The following ZNF385D variants were observed in gnomAD, a reference collection of about 807,000 sequenced individuals.
ZNF385D encodes the protein zinc finger protein 659.
A neutral mutation model predicts 35.8 loss-of-function variants in ZNF385D; 15 were observed. The ratio of observed to expected loss-of-function variants is 0.42; its 90% CI spans 0.28 to 0.64. The LOEUF (loss-of-function observed/expected upper bound fraction) is 0.64. Among genes scored for constraint, ZNF385D ranks in the 30% least tolerant of loss-of-function variants. ZNF385D has a pLI of 0.23. For synonymous variants in ZNF385D, 212 were observed against 186.8 expected (o/e 1.13, Z -1.10); for missense variants, 474 against 494.6 (o/e 0.96, Z 0.39).
chr3:21,862,856 T>A (rs535026051), intron 3 of ZNF385D, among the ~76,000 whole-genome samples: 107 of 152,304 alleles, frequency 7.0e-4, no homozygotes, highest in African/African-American at 2.4e-3. Flanking sequence ...CAAACTGAAC[T>A]GTTAGCTCAG....
At chr3:22,324,940 T>C (rs1267227938) in intron 2 of ZNF385D, among the ~76,000 whole-genome samples, 1 of 152,216 alleles carries the variant, frequency 6.6e-6, no homozygotes, top group Non-Finnish European at 1.5e-5. Flanking sequence ...ACCATCTGTA[T>C]GACCTTGAGC....
chr3:21,933,128 GA>G (rs1362826533), intron 3 of ZNF385D, among the ~76,000 whole-genome samples: 3 of 152,128 alleles, frequency 2.0e-5, no homozygotes, highest in Non-Finnish European at 4.4e-5. Flanking sequence ...ACTTACAATA[GA>G]AAAACTCGTC....
intron 7 of ZNF385D, among the ~76,000 whole-genome samples, chr3:21,423,544 C>T (rs1170984000): frequency 6.6e-6 from 1 of 152,146 alleles, no homozygotes; most frequent in Non-Finnish European, 1.5e-5. Context: ...TAATAGTATA[C>T]TTAGCAATAT....
intron 3 of ZNF385D, among the ~76,000 whole-genome samples, chr3:22,059,041 AT>A (rs1368965664): frequency 3.9e-5 from 6 of 152,170 alleles, no homozygotes; most frequent in African/African-American, 1.4e-4. Context: ...GGAAAAGGAC[AT>A]TGGTAGGACA....
intron 3 of ZNF385D, among the ~76,000 whole-genome samples, chr3:22,087,690 T>C (rs1181049671): frequency 2.6e-5 from 4 of 152,194 alleles, no homozygotes; most frequent in Non-Finnish European, 4.4e-5. Context: ...ACTTCAACTT[T>C]GTTAATTATT....
chr3:21,739,735 T>C (rs910384369), intron 1 of ZNF385D, among the ~76,000 whole-genome samples: 2 of 152,198 alleles, frequency 1.3e-5, no homozygotes, highest in Admixed American at 6.5e-5. Context: ...AGATGATCCA[T>C]GGTCACCTGC....
chr3:21,800,899 G>A (rs1286218122), intron 3 of ZNF385D, among the ~76,000 whole-genome samples: 1 of 151,994 alleles, frequency 6.6e-6, no homozygotes, highest in Non-Finnish European at 1.5e-5. Flanking sequence ...AGAACTTCCA[G>A]TAGCAGCAAC....
intron 2 of ZNF385D, among the ~76,000 whole-genome samples, chr3:21,633,101 A>AT (rs1301654667): frequency 1.3e-5 from 2 of 152,046 alleles, no homozygotes; most frequent in East Asian, 1.9e-4. Context: ...AAAAATTATC[A>AT]TTTTTTTAGC....
intron 1 of ZNF385D, among the ~76,000 whole-genome samples, chr3:21,672,768 T>G (rs1475879895): frequency 6.6e-6 from 1 of 152,154 alleles, no homozygotes; most frequent in Admixed American, 6.5e-5. Context: ...TCACTGTCAT[T>G]AAATGCCACG....
At chr3:21,670,336 T>C (rs1387093437) in intron 1 of ZNF385D, among the ~76,000 whole-genome samples, 3 of 151,918 alleles carry the variant, frequency 2.0e-5, no homozygotes, top group Non-Finnish European at 2.9e-5. Flanking sequence ...AATAATAAGC[T>C]ATGATTACAT....
intron 2 of ZNF385D, among the ~76,000 whole-genome samples, chr3:21,609,254 G>A (rs796922948): frequency 2.0e-5 from 3 of 152,224 alleles, no homozygotes; most frequent in Admixed American, 6.5e-5. Context: ...CACAGCTCTC[G>A]CCAACTGAGC....
rs371749355 is a variant in ZNF385D at position 21,715,413 on chromosome 3, G to A, written c.22+35482C>T. Among the ~76,000 whole-genome samples the A allele has an allele frequency of 1.6e-4, 25 of 152,126 alleles. 1 individual carries two copies. In the South Asian group the frequency reaches 5.2e-3, roughly 32 times the overall value. On this transcript the variant is annotated intron_variant, in intron 1 of 7. Transcript: ENST00000281523. ...GACCTCCAGTTCCATCCAAGTTGCT[G>A]CAAAAGCCATAATTCCATTCCTTTT...
intron 3 of ZNF385D, among the ~76,000 whole-genome samples, chr3:22,014,500 A>G (rs917713821): frequency 1.3e-5 from 2 of 152,130 alleles, no homozygotes; most frequent in Non-Finnish European, 2.9e-5. Context: ...CAAACTACCA[A>G]TGCAACAGTA....
chr3:21,915,712 C>T (rs955461920), intron 3 of ZNF385D, among the ~76,000 whole-genome samples: 2 of 152,034 alleles, frequency 1.3e-5, no homozygotes, highest in Non-Finnish European at 2.9e-5. Flanking sequence ...TTGCACATAG[C>T]ATTAGGAAGG....
At chr3:22,081,982 G>C (rs1362929749) in intron 3 of ZNF385D, among the ~76,000 whole-genome samples, 2 of 125,624 alleles carry the variant, frequency 1.6e-5, no homozygotes, top group Non-Finnish European at 3.3e-5. Flanking sequence ...TTTGTGGTTG[G>C]GGTTTTCTAT....
chr3:22,260,607 G>A (rs942075173), intron 2 of ZNF385D, among the ~76,000 whole-genome samples: 19 of 151,750 alleles, frequency 1.3e-4, no homozygotes, highest in African/African-American at 3.4e-4. Flanking sequence ...AATTTGATAG[G>A]TATTTTAGAA....
At chr3:21,806,551 G>A (rs953616423) in intron 3 of ZNF385D, among the ~76,000 whole-genome samples, 2 of 152,212 alleles carry the variant, frequency 1.3e-5, no homozygotes, top group African/African-American at 4.8e-5. Context: ...ACATGTATAC[G>A]TGAAACCAGT....
intron 2 of ZNF385D, among the ~76,000 whole-genome samples, chr3:22,197,636 C>T (rs965060634): frequency 2.0e-5 from 3 of 152,066 alleles, no homozygotes; most frequent in African/African-American, 4.8e-5. Flanking sequence ...TCTACCCAAG[C>T]TTTTGCTCCA....
chr3:22,247,594 T>G (rs1256075360), intron 2 of ZNF385D, among the ~76,000 whole-genome samples: 1 of 150,140 alleles, frequency 6.7e-6, no homozygotes, highest in Non-Finnish European at 1.5e-5. Context: ...GATTGCTATT[T>G]ATATACCAAC....
Sources: allele counts gnomAD v4.1 joint callset (sites outside exome capture counted in the v4.1 genomes callset), GRCh38; gene constraint gnomAD v4.1.1; transcripts MANE v1.5; gene names NCBI Gene and HGNC (gene_info 2026-07-23, HGNC 2026-07-21).